The following ZWILCH variants were observed in gnomAD, a reference collection of about 807,000 sequenced individuals.
ZWILCH encodes protein zwilch homolog.
Under a neutral mutation model 79.9 loss-of-function variants are expected in ZWILCH, and 74 were observed. The observed-to-expected ratio is 0.93, with a 90% confidence interval of 0.77 to 1.12. The LOEUF (loss-of-function observed/expected upper bound fraction) is 1.12. Ranked by LOEUF, ZWILCH falls within the 50% of genes most tolerant of loss-of-function variation. ZWILCH has a pLI of 0.00. For missense variants in ZWILCH, 694 were observed against 687.5 expected (o/e 1.01, Z -0.11); for synonymous variants, 241 against 228.2 (o/e 1.06, Z -0.51).
chr15:66,518,086 T>C (rs1894354101), intron 4 of ZWILCH, among the ~76,000 whole-genome samples: 1 of 152,010 alleles, frequency 6.6e-6, no homozygotes, highest in South Asian at 2.1e-4. Flanking sequence ...CAACTTCTAC[T>C]GAACTTCCAC....
At chr15:66,538,939 T>C (rs1445337159) in intron 16 of ZWILCH, among the ~76,000 whole-genome samples, 1 of 152,194 alleles carries the variant, frequency 6.6e-6, no homozygotes, top group Non-Finnish European at 1.5e-5. Flanking sequence ...CTTCAACTTG[T>C]CTAGGCTAAC....
At chr15:66,532,521 T>C (rs1894888355) in intron 13 of ZWILCH, 118 bp downstream of exon 13, 1 of 848,492 alleles carries the variant, frequency 1.2e-6, no homozygotes, top group Admixed American at 3.5e-5. Flanking sequence ...CCTGGCTTTG[T>C]ACCTGGTTCA....
In ZWILCH at chr15:66,505,387, C is replaced by T. The variant is rs11551829; in HGVS notation, c.49C>T (p.Leu17Phe). The T allele has an allele frequency of 2.9e-3, 4,723 of 1,614,102 alleles. 117 individuals carry two copies. The African/African-American group carries it at 0.057, about 19-fold the overall frequency. Residue 17 changes from leucine to phenylalanine, a missense_variant, in exon 1 of 19, where the codon CTT becomes TTT. Leu to Phe is a conservative substitution (Grantham distance 22). Coordinates refer to ENST00000307897, the MANE Select transcript of ZWILCH (RefSeq NM_017975.5). ...AGCAGAGGACTTTTATTCTCGTCTC[C>T]TTCAGTGAGTCTAGTCTCTTCTTTT... ...CAAEDFYSRL[L>F]QKFNEEKKGI...
At chr15:66,516,037 G>A (rs1894240779) in intron 4 of ZWILCH, among the ~76,000 whole-genome samples, 1 of 152,166 alleles carries the variant, frequency 6.6e-6, no homozygotes. Context: ...TGACACACAG[G>A]AACTTTCATT....
At chr15:66,529,343 T>TC in intron 11 of ZWILCH, 151 bp from the exon 12 acceptor site, 1 of 547,458 alleles carries the variant, frequency 1.8e-6, no homozygotes, top group South Asian at 3.1e-5. Flanking sequence ...TAAATCTTTT[T>TC]TTTTTTTGCC....
intron 17 of ZWILCH, among the ~76,000 whole-genome samples, chr15:66,541,887 T>A (rs1161797549): frequency 6.6e-6 from 1 of 152,174 alleles, no homozygotes; most frequent in Admixed American, 6.5e-5. Flanking sequence ...TGCAAAAAAT[T>A]TTTCCAGAAA....
intron 8 of ZWILCH, among the ~76,000 whole-genome samples, chr15:66,527,015 A>G (rs1009745891): frequency 1.3e-5 from 2 of 152,136 alleles, no homozygotes; most frequent in South Asian, 2.1e-4. Context: ...ACCACTGGGT[A>G]TATATCCTGA....
intron 1 of ZWILCH, among the ~76,000 whole-genome samples, chr15:66,507,596 C>A (rs34238168): frequency 1.3e-5 from 2 of 152,172 alleles, no homozygotes; most frequent in Non-Finnish European, 2.9e-5. Context: ...TGAGCACTTA[C>A]CACCATGGAA....
chr15:66,531,103 T>C (rs977057067), intron 12 of ZWILCH, among the ~76,000 whole-genome samples: 1 of 152,246 alleles, frequency 6.6e-6, no homozygotes, highest in Non-Finnish European at 1.5e-5. Context: ...CTAAAATGAA[T>C]CATTTAACAT....
At chr15:66,520,344 C>T (rs1412975198) in intron 5 of ZWILCH, among the ~76,000 whole-genome samples, 1 of 152,122 alleles carries the variant, frequency 6.6e-6, no homozygotes, top group African/African-American at 2.4e-5. Flanking sequence ...TGGTCTCGAA[C>T]TCCTGGGTTC....
chr15:66,515,920 C>T (rs1183645049), intron 4 of ZWILCH, among the ~76,000 whole-genome samples: 2 of 152,156 alleles, frequency 1.3e-5, no homozygotes, highest in Non-Finnish European at 2.9e-5. Context: ...TCTGGTTCCC[C>T]TCCAGTCTTT....
intron 14 of ZWILCH, 123 bp from the exon 15 acceptor site, chr15:66,535,809 CT>C (rs879221084): frequency 0.17 from 92,158 of 558,346 alleles, no homozygotes; most frequent in East Asian, 0.2. Flanking sequence ...TTCTTCTGGT[CT>C]TTTTTTTTTT....
chr15:66,527,166 G>A, intron 8 of ZWILCH, 124 bp from the exon 9 acceptor site: 2 of 691,290 alleles, frequency 2.9e-6, no homozygotes, highest in Non-Finnish European at 2.5e-6. Flanking sequence ...CACCACAGCA[G>A]TACCTGGGAT....
chr15:66,521,774 T>C (rs1894502142), intron 7 of ZWILCH, among the ~76,000 whole-genome samples: 1 of 152,134 alleles, frequency 6.6e-6, no homozygotes, highest in South Asian at 2.1e-4. Flanking sequence ...ACGCCGGGAT[T>C]ATAGGCGTGA....
intron 17 of ZWILCH, 138 bp from the exon 18 acceptor site, chr15:66,546,453 A>G (rs903080538): frequency 1.5e-5 from 6 of 400,998 alleles, no homozygotes; most frequent in South Asian, 8.8e-5. Context: ...ATTTTTCCCA[A>G]TGAATTCTCT....
chr15:66,523,314 A>G (rs187481164), intron 7 of ZWILCH: 115 of 176,494 alleles, frequency 6.5e-4, no homozygotes, highest in Non-Finnish European at 1.1e-3. Flanking sequence ...TTGGTTTGTG[A>G]TAATGCTAAG....
chr15:66,512,077 GC>G, intron 2 of ZWILCH, among the ~76,000 whole-genome samples: 1 of 152,088 alleles, frequency 6.6e-6, no homozygotes, highest in East Asian at 1.9e-4. Context: ...GTTTATAATA[GC>G]AAAAAACTGG....
chr15:66,541,239 C>T (rs904548629), intron 17 of ZWILCH, among the ~76,000 whole-genome samples: 10 of 151,764 alleles, frequency 6.6e-5, no homozygotes, highest in Non-Finnish European at 8.8e-5. Context: ...GTGAGCTGGT[C>T]GCACTACTGC....
intron 2 of ZWILCH, 27 bp from the exon 3 acceptor site, chr15:66,513,958 TATA>T: frequency 6.6e-7 from 1 of 1,514,650 alleles, no homozygotes; most frequent in Non-Finnish European, 9.1e-7. Flanking sequence ...TAAGTGTATG[TATA>T]ATGTTGCTCG....
Sources: gnomAD v4.1 joint callset for allele counts (sites outside exome capture counted in the v4.1 genomes callset) on GRCh38, gnomAD v4.1.1 for gene constraint, MANE v1.5 for transcripts, NCBI Gene and HGNC (gene_info 2026-07-23, HGNC 2026-07-21) for gene names.